The following C20orf203 variants were observed in gnomAD, a reference collection of about 807,000 sequenced individuals.
The protein encoded by C20orf203 is chromosome 20 open reading frame 203.
Under a neutral mutation model 15.9 loss-of-function variants are expected in C20orf203, and 16 were observed. That is an observed-to-expected ratio of 1.01 (90% CI 0.68 to 1.53). The LOEUF (loss-of-function observed/expected upper bound fraction) is 1.53. Among genes scored for constraint, C20orf203 ranks in the 40% most tolerant of loss-of-function variants. C20orf203 has a pLI of 0.00. For synonymous variants in C20orf203, 98 were observed against 97.2 expected (o/e 1.01, Z -0.05); for missense variants, 263 against 247.5 (o/e 1.06, Z -0.42).
chr20:32,636,133 C>A (rs748072780), intron 5 of C20orf203, among the ~76,000 whole-genome samples: 3 of 152,188 alleles, frequency 2.0e-5, no homozygotes, highest in Non-Finnish European at 4.4e-5. Flanking sequence ...CAGATACTTG[C>A]CTGGATGGTG....
At chr20:32,669,035 A>C (rs1983100812) in intron 1 of C20orf203, among the ~76,000 whole-genome samples, 1 of 151,792 alleles carries the variant, frequency 6.6e-6, no homozygotes, top group South Asian at 2.1e-4. Flanking sequence ...TTTCTCAAAC[A>C]CTCTTGGCCA....
intron 5 of C20orf203, among the ~76,000 whole-genome samples, chr20:32,634,529 C>T (rs1359152176): frequency 1.3e-5 from 2 of 152,100 alleles, no homozygotes; most frequent in Non-Finnish European, 2.9e-5. Context: ...GAAAAAAACA[C>T]AACAAAACAA....
chr20:32,646,431 C>T (rs1982434912), intron 4 of C20orf203, among the ~76,000 whole-genome samples: 2 of 152,252 alleles, frequency 1.3e-5, no homozygotes, highest in Admixed American at 6.5e-5. Context: ...GTCTCGAACT[C>T]CTGGCCTCAA....
At chr20:32,662,263 C>T (rs1481945661) in intron 1 of C20orf203, among the ~76,000 whole-genome samples, 2 of 152,126 alleles carry the variant, frequency 1.3e-5, no homozygotes, top group Non-Finnish European at 2.9e-5. Context: ...GGGCACACTG[C>T]CTATAGGTTA....
At chr20:32,646,602 T>C (rs1394049857) in intron 4 of C20orf203, among the ~76,000 whole-genome samples, 2 of 152,146 alleles carry the variant, frequency 1.3e-5, no homozygotes, top group African/African-American at 4.8e-5. Context: ...GATGGGGCTG[T>C]CTAGGCTGAC....
At chr20:32,654,923 A>G (rs1568751875) in intron 1 of C20orf203, among the ~76,000 whole-genome samples, 2 of 152,230 alleles carry the variant, frequency 1.3e-5, no homozygotes, top group Non-Finnish European at 2.9e-5. Flanking sequence ...AAACTACAGT[A>G]ATCAGGACAA....
intron 4 of C20orf203, among the ~76,000 whole-genome samples, chr20:32,641,906 C>T (rs1460168240): frequency 6.6e-6 from 1 of 152,144 alleles, no homozygotes; most frequent in Non-Finnish European, 1.5e-5. Flanking sequence ...GACACGATCT[C>T]GGCTCAGTGC....
At chr20:32,662,955 T>TTG (rs1982929918) in intron 1 of C20orf203, among the ~76,000 whole-genome samples, 1 of 147,996 alleles carries the variant, frequency 6.8e-6, no homozygotes, top group African/African-American at 2.5e-5. Flanking sequence ...AAATATAGTT[T>TTG]TTTTTTTTTT....
intron 5 of C20orf203, among the ~76,000 whole-genome samples, chr20:32,640,279 T>A (rs1245646439): frequency 6.6e-6 from 1 of 152,206 alleles, no homozygotes; most frequent in Non-Finnish European, 1.5e-5. Context: ...CTAATTTTTT[T>A]AATAACAGCT....
At chr20:32,638,219 C>T (rs1382930017) in intron 5 of C20orf203, among the ~76,000 whole-genome samples, 1 of 152,160 alleles carries the variant, frequency 6.6e-6, no homozygotes, top group South Asian at 2.1e-4. Flanking sequence ...TAACCATGGC[C>T]AACATATATT....
At position 32,650,078 on chromosome 20, in the gene C20orf203, CA is replaced by C; in HGVS notation, c.*353del. On this transcript the variant is annotated 3_prime_UTR_variant, in exon 4 of 6. Transcript: ENST00000608990. ...GTGGGAGTGACACACAGGAGTACTG[CA>C]GCCTCCTCCCAGCACTCAGGGACCA... 4.1e-6 allele frequency: 1 copy of C among 244,294 alleles called. No individual in the cohort carries two copies. Among genetic ancestry groups the C allele is most frequent in the Non-Finnish European group, 8.0e-6 (1 of 125,182 alleles). The allele number at this position is 244,294 out of a possible 1,614,324, so 15.1% of individuals were successfully genotyped here.
At chr20:32,647,826 G>A (rs1299605270) in intron 4 of C20orf203, among the ~76,000 whole-genome samples, 1 of 152,184 alleles carries the variant, frequency 6.6e-6, no homozygotes, top group African/African-American at 2.4e-5. Flanking sequence ...ATAGCCTGGA[G>A]TGCAGGAGTG....
At chr20:32,646,560 G>A (rs574411024) in intron 4 of C20orf203, among the ~76,000 whole-genome samples, 66 of 152,248 alleles carry the variant, frequency 4.3e-4, no homozygotes, top group African/African-American at 1.6e-3. Context: ...GTGTCTAGAA[G>A]GCCCACACTG....
chr20:32,651,203 T>C (rs1304015497), intron 2 of C20orf203, 37 bp from the exon 3 acceptor site: 4 of 486,674 alleles, frequency 8.2e-6, no homozygotes, highest in Non-Finnish European at 1.4e-5. Context: ...ATTAGCTGGG[T>C]GTGTTGGCTT....
At chr20:32,664,214 T>C (rs1982966076) in intron 1 of C20orf203, among the ~76,000 whole-genome samples, 1 of 152,194 alleles carries the variant, frequency 6.6e-6, no homozygotes, top group African/African-American at 2.4e-5. Flanking sequence ...ATCTGCGCCT[T>C]AGGGAAGCCA....
chr20:32,657,675 G>A (rs1982795650), intron 1 of C20orf203: 1 of 151,588 alleles, frequency 6.6e-6, no homozygotes, highest in African/African-American at 2.4e-5. Flanking sequence ...AAATAAGCCT[G>A]TAGGCTGGGC....
At chr20:32,668,124 G>C (rs1352402290) in intron 1 of C20orf203, among the ~76,000 whole-genome samples, 1 of 152,172 alleles carries the variant, frequency 6.6e-6, no homozygotes, top group Non-Finnish European at 1.5e-5. Context: ...CCGGACACCA[G>C]AGCATTAATC....
At chr20:32,665,555 G>A (rs1453727455) in intron 1 of C20orf203, among the ~76,000 whole-genome samples, 1 of 152,228 alleles carries the variant, frequency 6.6e-6, no homozygotes, top group East Asian at 1.9e-4. Flanking sequence ...GCAAGGCGCG[G>A]TCCAGGAACC....
At position 32,650,567 on chromosome 20, in the gene C20orf203, T is replaced by A. The variant is rs1442008568; in HGVS notation, c.450A>T (p.Gln150His). 1 of 1,548,762 alleles carries A rather than the reference T, an allele frequency of 6.5e-7. No homozygotes were observed. Among genetic ancestry groups the A allele is most frequent in the South Asian group, 1.2e-5 (1 of 84,038 alleles). Residue 150 changes from glutamine (Q) to histidine (H), a missense_variant, in exon 4 of 6, where the codon CAA becomes CAT. Gln to His is a conservative substitution (Grantham distance 24). Coordinates refer to ENST00000608990, the MANE Select transcript of C20orf203 (RefSeq NM_182584.4). ...AGGTCCAGGCCAGCGAGGACAGAGCTTGGCCAAAGTCCCCCACCGTGCCCA... is the reference window on the plus strand; with the variant it reads ...AGGTCCAGGCCAGCGAGGACAGAGCATGGCCAAAGTCCCCCACCGTGCCCA... ...PRMGTVGDFG[Q>H]ALSSLAWTST...
Sources: gnomAD v4.1 joint callset for allele counts (sites outside exome capture counted in the v4.1 genomes callset) on GRCh38, gnomAD v4.1.1 for gene constraint, MANE v1.5 for transcripts, NCBI Gene and HGNC (gene_info 2026-07-23, HGNC 2026-07-21) for gene names.